Variants in SUB1 observed in about 807,000 individuals in gnomAD.
SUB1 encodes the protein SUB1 regulator of transcription, also known as activated RNA polymerase II transcriptional coactivator p15.
Under a neutral mutation model 16.9 loss-of-function variants are expected in SUB1, and 1 was observed. The ratio of observed to expected loss-of-function variants is 0.06; its 90% CI spans 0.02 to 0.28. The LOEUF is 0.28. Among genes scored for constraint, SUB1 ranks in the 10% least tolerant of loss-of-function variants. The pLI, the probability that SUB1 is intolerant of heterozygous loss-of-function variation, is 1.00. For synonymous variants in SUB1, 51 were observed against 46.9 expected, an observed-to-expected ratio of 1.09 and a Z score of -0.36; for missense variants, 84 against 145.2, an observed-to-expected ratio of 0.58 and a Z score of 2.16.
At position 32,591,499 on chromosome 5, in the gene SUB1, A is replaced by G. The variant is rs536367675; in HGVS notation, c.73-64A>G. Reference sequence around the variant, plus strand: ...TGTTTAAATCTTAAAAAGTAATGGGATCTTTTGACACTGGGGTATGTTTTA... The same window carrying G: ...TGTTTAAATCTTAAAAAGTAATGGGGTCTTTTGACACTGGGGTATGTTTTA... On this transcript the variant is annotated intron_variant, in intron 2 of 4. Transcript: ENST00000265073. 3.8e-5 allele frequency: 57 copies of G among 1,499,632 alleles called. No homozygotes were observed. The African/African-American group carries it at 7.7e-4, about 20-fold the overall frequency. The allele number at this position is 1,499,632 out of a possible 1,614,324, so 92.9% of individuals were successfully genotyped here.
Position 32,591,562 on chromosome 5 carries a change from G to A in SUB1, c.73-1G>A, listed in dbSNP as rs1738825360. The A allele has an allele frequency of 6.3e-7, 1 of 1,591,756 alleles. No homozygotes were observed. The highest frequency in any genetic ancestry group is 1.4e-5 in the African/African-American group (1 of 73,082). On this transcript the variant is annotated splice_acceptor_variant, in intron 2 of 4. Coordinates refer to ENST00000265073, the MANE Select transcript of SUB1 (RefSeq NM_006713.4). LOFTEE classifies it high-confidence loss of function. The stretch of plus-strand genomic sequence containing the variant: ...CAAATTTTAACCATATTCTTTTCTA[G>A]TTAAAGAGGAAAAAGCAAGTTGCTC...
At chr5:32,592,715 A>C (rs1170978179) in intron 3 of SUB1, among the ~76,000 whole-genome samples, 3 of 152,192 alleles carry the variant, frequency 2.0e-5, no homozygotes, top group Non-Finnish European at 4.4e-5. Context: ...TGTGATTGAA[A>C]AAAAAAATGG....
chr5:32,600,982 T>C (rs1192323149), intron 4 of SUB1, 23 bp from the exon 5 acceptor site: 3 of 1,599,466 alleles, frequency 1.9e-6, no homozygotes, highest in Non-Finnish European at 2.6e-6. Context: ...TTTTCACCTT[T>C]GAATTTTTAA....
intron 3 of SUB1, chr5:32,594,903 G>A (rs1738919918): frequency 6.3e-6 from 1 of 159,300 alleles, no homozygotes; most frequent in Admixed American, 6.1e-5. Context: ...CAGATCTTCA[G>A]AGGGGACAGG....
At chr5:32,597,813 G>C (rs1352155957) in intron 3 of SUB1, 2 of 152,128 alleles carry the variant, frequency 1.3e-5, no homozygotes, top group Non-Finnish European at 2.9e-5. Flanking sequence ...ATATTTGTAT[G>C]TTATATGTAT....
At chr5:32,594,528 T>C (rs1260540933) in intron 3 of SUB1, 1 of 442,688 alleles carries the variant, frequency 2.3e-6, no homozygotes, top group African/African-American at 2.0e-5. Flanking sequence ...CAGGAGTCCA[T>C]AGAATTGTTT....
At chr5:32,598,284 A>G (rs1739028091) in intron 3 of SUB1, 2 of 152,174 alleles carry the variant, frequency 1.3e-5, no homozygotes, top group Non-Finnish European at 2.9e-5. Flanking sequence ...CACTAGGGGC[A>G]CTTTGTATAG....
At chr5:32,590,246 TATA>T (rs1738785071) in intron 2 of SUB1, among the ~76,000 whole-genome samples, 1 of 152,198 alleles carries the variant, frequency 6.6e-6, no homozygotes, top group Admixed American at 6.5e-5. Flanking sequence ...TTTACATGTA[TATA>T]ATATTTTTCC....
intron 3 of SUB1, among the ~76,000 whole-genome samples, chr5:32,593,589 A>T (rs1470165983): frequency 6.6e-6 from 1 of 152,234 alleles, no homozygotes; most frequent in Non-Finnish European, 1.5e-5. Flanking sequence ...CACCAGAAAA[A>T]CGGAGCTTCA....
chr5:32,590,085 G>T (rs1738779631), intron 2 of SUB1, among the ~76,000 whole-genome samples: 2 of 152,086 alleles, frequency 1.3e-5, no homozygotes, highest in Non-Finnish European at 2.9e-5. Flanking sequence ...GCTTTTATTT[G>T]CCAGACATGC....
chr5:32,589,690 A>G (rs949777354), intron 2 of SUB1, among the ~76,000 whole-genome samples: 1 of 152,234 alleles, frequency 6.6e-6, no homozygotes, highest in African/African-American at 2.4e-5. Flanking sequence ...CTTTTATCGC[A>G]TAGAACTTTA....
rs1739110255 is a variant in SUB1 at position 32,601,365 on chromosome 5, G to T, written c.*281G>T. The T allele has an allele frequency of 3.3e-6, 1 of 302,804 alleles. No homozygotes were observed. Among genetic ancestry groups the T allele is most frequent in the African/African-American group, 2.2e-5 (1 of 44,756 alleles). The allele number at this position is 302,804 out of a possible 1,614,324, so 18.8% of individuals were successfully genotyped here. A position where few individuals can be genotyped will look rare whatever the true frequency, so the allele number is the denominator to read the frequency against. On this transcript the variant is annotated 3_prime_UTR_variant, in exon 5 of 5. Coordinates refer to ENST00000265073, the MANE Select transcript of SUB1 (RefSeq NM_006713.4). ...TGGCCTTTTTTGATCATAAGAGTTG[G>T]TACTGTTTAAGGCCAAAAGTAACAG... is the stretch of plus-strand genomic sequence containing the variant.
chr5:32,592,169 ATTG>A (rs1738844701), intron 3 of SUB1, among the ~76,000 whole-genome samples: 1 of 151,670 alleles, frequency 6.6e-6, no homozygotes, highest in Admixed American at 6.5e-5. Flanking sequence ...ATGCTGGATT[ATTG>A]TTAAAGTCTC....
intron 4 of SUB1, 115 bp from the exon 5 acceptor site, chr5:32,600,890 C>A: frequency 4.6e-6 from 4 of 872,014 alleles, no homozygotes; most frequent in Non-Finnish European, 7.3e-6. Context: ...CAGGTGTGAG[C>A]CACCGCGCCC....
chr5:32,588,448 G>T, intron 1 of SUB1, 64 bp from the exon 2 acceptor site: 2 of 1,411,374 alleles, frequency 1.4e-6, no homozygotes, highest in South Asian at 1.3e-5. Flanking sequence ...TTGATTGGGG[G>T]AGAGCTAAGT....
At chr5:32,598,055 C>CTTTTTT (rs201708118) in intron 3 of SUB1, 5 of 59,988 alleles carry the variant, frequency 8.3e-5, no homozygotes, top group African/African-American at 2.2e-4. Flanking sequence ...AGCAATTCAA[C>CTTTTTT]TTTTTTATTT....
Position 32,591,621 on chromosome 5 carries a change from A to G in SUB1, c.131A>G (p.Glu44Gly). 6.2e-7 allele frequency: 1 copy of G among 1,611,004 alleles called. No individual in the cohort carries two copies. Among genetic ancestry groups the G allele is most frequent in the Non-Finnish European group, 8.5e-7 (1 of 1,178,796 alleles). Reference sequence around the variant, plus strand: ...CCTGTAAAGAAACAAAAGACAGGTGAGACTTCGAGAGCCCTGTCATCTTCT... The same window carrying G: ...CCTGTAAAGAAACAAAAGACAGGTGGGACTTCGAGAGCCCTGTCATCTTCT... The part of the protein sequence containing the change: ...EKPVKKQKTG[E>G]TSRALSSSKQ... Residue 44 changes from glutamate to glycine, a missense_variant, in exon 3 of 5, where the codon GAG becomes GGG. Coordinates refer to ENST00000265073, the MANE Select transcript of SUB1 (RefSeq NM_006713.4).
At chr5:32,586,146 C>G (rs1335795610) in intron 1 of SUB1, 1 of 152,254 alleles carries the variant, frequency 6.6e-6, no homozygotes, top group Admixed American at 6.5e-5. Context: ...CCGCCCCTTC[C>G]CACGCCGTCT....
At chr5:32,587,094 A>C (rs1008461542) in intron 1 of SUB1, among the ~76,000 whole-genome samples, 1 of 152,122 alleles carries the variant, frequency 6.6e-6, no homozygotes, top group African/African-American at 2.4e-5. Context: ...GAAATTAGCT[A>C]ATTTATGCCT....
Sources: allele counts gnomAD v4.1 joint callset (sites outside exome capture counted in the v4.1 genomes callset), GRCh38; gene constraint gnomAD v4.1.1; transcripts MANE v1.5; gene names NCBI Gene and HGNC (gene_info 2026-07-23, HGNC 2026-07-21).